SCAP: variants seen among roughly 807,000 people sequenced by gnomAD.
SCAP encodes sterol regulatory element-binding protein cleavage-activating protein.
A neutral mutation model predicts 123.6 loss-of-function variants in SCAP; 65 were observed. The ratio of observed to expected loss-of-function variants is 0.53; its 90% confidence interval spans 0.43 to 0.65. SCAP has a LOEUF of 0.65. Ranked by LOEUF, SCAP falls within the 30% of genes least tolerant of loss-of-function variation. SCAP has a pLI of 0.00. For missense variants in SCAP, 1,398 were observed against 1,712.5 expected (o/e 0.82, Z 3.24); for synonymous variants, 740 against 726.3 (o/e 1.02, Z -0.30).
At chr3:47,476,192 G>C (rs1386842891), upstream of SCAP, 2 of 152,278 alleles carry the variant, frequency 1.3e-5, no homozygotes, top group Non-Finnish European at 2.9e-5. Flanking sequence ...GCCGGGCACG[G>C]TGGCTCGCGG....
At chr3:47,458,889 T>C (rs781531317) in intron 1 of SCAP, among the ~76,000 whole-genome samples, 1 of 152,230 alleles carries the variant, frequency 6.6e-6, no homozygotes, top group Non-Finnish European at 1.5e-5. Context: ...CACTGCAACC[T>C]CAGCCTCCTG....
intron 1 of SCAP, among the ~76,000 whole-genome samples, chr3:47,473,317 A>C (rs973365320): frequency 2.0e-5 from 3 of 152,144 alleles, no homozygotes; most frequent in Admixed American, 6.6e-5. Flanking sequence ...TACAGTACCT[A>C]GGACACTGCC....
intron 6 of SCAP, 117 bp from the exon 7 acceptor site, chr3:47,426,286 A>G: frequency 1.9e-6 from 2 of 1,038,222 alleles, no homozygotes; most frequent in Admixed American, 5.8e-5. Flanking sequence ...GTTGAAAGGG[A>G]ACTTCTCTAT....
intron 1 of SCAP, among the ~76,000 whole-genome samples, chr3:47,455,113 T>C (rs1393824406): frequency 1.4e-5 from 2 of 147,548 alleles, no homozygotes; most frequent in Non-Finnish European, 3.0e-5. Context: ...GAAAACCTTT[T>C]ACAGTTGATA....
intron 10 of SCAP, chr3:47,421,395 A>C: frequency 8.4e-6 from 2 of 237,460 alleles, no homozygotes; most frequent in South Asian, 1.1e-4. Context: ...CGCCCTGCTC[A>C]TGCATCACCA....
In SCAP at chr3:47,419,038, C is replaced by A. The variant is rs1705775189; in HGVS notation, c.1941-195G>T. Among the ~76,000 whole-genome samples the A allele has an allele frequency of 6.6e-6, 1 of 152,162 alleles. No homozygotes were observed. Among genetic ancestry groups the A allele is most frequent in the Admixed American group, 6.5e-5 (1 of 15,278 alleles). On this transcript the variant is annotated intron_variant, in intron 13 of 22. Transcript: ENST00000265565. This position sits in a 1 kb window ranked among gnomAD's most constrained non-coding sequence, Gnocchi z 5.0. ...AGCAGCCAACTTGCTGTCCCAGATACCAGCACCCAAACAGCCCTGGTGGCC... is the reference window on the plus strand; with the variant it reads ...AGCAGCCAACTTGCTGTCCCAGATAACAGCACCCAAACAGCCCTGGTGGCC...
chr3:47,456,608 A>AGAG (rs1559564466), intron 1 of SCAP, among the ~76,000 whole-genome samples: 38 of 151,766 alleles, frequency 2.5e-4, no homozygotes, highest in African/African-American at 8.9e-4. Context: ...TCTACTAAAA[A>AGAG]TACAAAAATT....
At chr3:47,415,767 C>T (rs1162127020) in intron 18 of SCAP, among the ~76,000 whole-genome samples, 1 of 152,110 alleles carries the variant, frequency 6.6e-6, no homozygotes, top group Non-Finnish European at 1.5e-5. Flanking sequence ...AATCTTACTG[C>T]AGGGAAAGGC....
At chr3:47,449,110 C>A (rs1436498216) in intron 1 of SCAP, among the ~76,000 whole-genome samples, 1 of 152,132 alleles carries the variant, frequency 6.6e-6, no homozygotes, top group African/African-American at 2.4e-5. Context: ...GCATACCGTC[C>A]AGGGGCCAGT....
rs200143666 is a variant in SCAP at position 47,413,783 on chromosome 3, C to A, written c.*71G>T. On this transcript the variant is annotated 3_prime_UTR_variant, in exon 23 of 23. Transcript: ENST00000265565. ...CTGGAAGATACTCGGCTCTTTCCCC[C>A]AAGTCCAGGTTCAGTGCATTGGCCC... 2.8e-3 allele frequency: 4,407 copies of A among 1,547,140 alleles called. 14 individuals are homozygous for A. Among genetic ancestry groups the A allele is most frequent in the Non-Finnish European group, 3.6e-3 (4,121 of 1,145,926 alleles).
chr3:47,457,646 G>A (rs1576306773), intron 1 of SCAP, among the ~76,000 whole-genome samples: 1 of 152,248 alleles, frequency 6.6e-6, no homozygotes, highest in East Asian at 1.9e-4. Context: ...GGTGGCTCAC[G>A]TCTATAATCC....
At position 47,432,315 on chromosome 3, in the gene SCAP, A is replaced by G. The variant is rs900830252; in HGVS notation, c.252+2693T>C. The stretch of plus-strand genomic sequence containing the variant: ...CTAGCGAAAGCAAGACTCCGTCTTG[A>G]AAAAAAAAAAAAAAAAAGAAAAGAA... On this transcript the variant is annotated intron_variant, in intron 3 of 22. Transcript: ENST00000265565. Among the ~76,000 whole-genome samples the G allele has an allele frequency of 8.4e-3, 11 of 1,306 alleles. No individual in the cohort carries two copies. The Non-Finnish European group carries it at 0.092, about 11-fold the overall frequency. 0.9% of individuals were successfully genotyped at this position (1,306 alleles called of 152,430 possible). A position where few individuals can be genotyped will look rare whatever the true frequency, so the allele number is the denominator to read the frequency against.
chr3:47,459,003 C>T (rs2107985886), intron 1 of SCAP, among the ~76,000 whole-genome samples: 1 of 152,294 alleles, frequency 6.6e-6, no homozygotes, highest in African/African-American at 2.4e-5. Context: ...TGGGGTTTCA[C>T]CATGTTGGTC....
chr3:47,424,156 C>T, intron 8 of SCAP, 111 bp from the exon 9 acceptor site: 1 of 746,830 alleles, frequency 1.3e-6, no homozygotes. Flanking sequence ...TGCTGAGTGA[C>T]TCCCACAGGT....
In SCAP at chr3:47,419,766, C is replaced by A; in HGVS notation, c.1564-62G>T. 1 of 1,494,788 alleles carries A rather than the reference C, an allele frequency of 6.7e-7. No individual in the cohort carries two copies. 92.6% of individuals were successfully genotyped at this position (1,494,788 alleles called of 1,614,324 possible). A position where few individuals can be genotyped will look rare whatever the true frequency, so the allele number is the denominator to read the frequency against. On this transcript the variant is annotated intron_variant, in intron 12 of 22. Transcript: ENST00000265565. This position sits in a 1 kb window ranked among gnomAD's most constrained non-coding sequence, Gnocchi z 5.0. ...GGCCCCAACCCCCAGCAGCTTCAGC[C>A]CTCATGCTGAGAGGAAGCAGCACAG...
At chr3:47,429,297 T>C (rs6800271) in intron 3 of SCAP, among the ~76,000 whole-genome samples, 2 of 152,086 alleles carry the variant, frequency 1.3e-5, no homozygotes, top group South Asian at 4.1e-4. Flanking sequence ...ACATCTACTA[T>C]GGGCAAAGCA....
intron 1 of SCAP, among the ~76,000 whole-genome samples, chr3:47,459,475 C>T (rs555811825): frequency 3.3e-5 from 5 of 152,228 alleles, no homozygotes; most frequent in Non-Finnish European, 4.4e-5. Flanking sequence ...CCGTAAGTGT[C>T]GGCCGGCTGA....
chr3:47,445,036 T>C (rs1177026256), intron 1 of SCAP, among the ~76,000 whole-genome samples: 1 of 152,028 alleles, frequency 6.6e-6, no homozygotes, highest in Non-Finnish European at 1.5e-5. Flanking sequence ...CCTCCCAAAG[T>C]GCTGGGATTA....
chr3:47,431,727 T>C (rs1232008531), intron 3 of SCAP, among the ~76,000 whole-genome samples: 1 of 152,194 alleles, frequency 6.6e-6, no homozygotes, highest in Non-Finnish European at 1.5e-5. Flanking sequence ...AATCAATCAA[T>C]GTGATTTATC....
Sources: allele counts gnomAD v4.1 joint callset (sites outside exome capture counted in the v4.1 genomes callset), GRCh38; gene constraint gnomAD v4.1.1; non-coding constraint Gnocchi (gnomAD v3.1); transcripts MANE v1.5; gene names NCBI Gene and HGNC (gene_info 2026-07-23, HGNC 2026-07-21).